Variants in ANTXR2 observed in about 807,000 individuals in gnomAD.
ANTXR2 encodes ANTXR cell adhesion molecule 2.
In ANTXR2, 44 loss-of-function variants were observed where a neutral mutation model predicts 73.7. The observed-to-expected ratio is 0.60, with a 90% CI of 0.47 to 0.77. The LOEUF is 0.77. Among genes scored for constraint, ANTXR2 ranks in the 30% least tolerant of loss-of-function variants. ANTXR2 has a pLI of 0.00. For missense variants in ANTXR2, 604 were observed against 592.5 expected, an observed-to-expected ratio of 1.02 and a Z score of -0.20; for synonymous variants, 217 against 205.9, an observed-to-expected ratio of 1.05 and a Z score of -0.46.
In ANTXR2 at chr4:80,063,770, G is replaced by C. The variant is rs559371934; in HGVS notation, c.296+5666C>G. On this transcript the variant is annotated intron_variant, in intron 3 of 16. Transcript: ENST00000403729. ...TTTCCTATTTCTTAATAACTGCATAGTATTCCATCCAATGTATATGTTCTA... is the reference window on the plus strand; with the variant it reads ...TTTCCTATTTCTTAATAACTGCATACTATTCCATCCAATGTATATGTTCTA... Among the ~76,000 whole-genome samples, 41 of 152,094 alleles carry C rather than the reference G, an allele frequency of 2.7e-4. No individual in the cohort carries two copies. The South Asian group carries it at 8.5e-3, about 32-fold the overall frequency.
At chr4:79,998,969 G>A (rs926063050) in intron 12 of ANTXR2, among the ~76,000 whole-genome samples, 3 of 152,078 alleles carry the variant, frequency 2.0e-5, no homozygotes, top group Admixed American at 6.6e-5. Flanking sequence ...GAAAGCCCAC[G>A]CACACAGAGG....
chr4:79,943,819 C>G (rs1296991224), intron 16 of ANTXR2, among the ~76,000 whole-genome samples: 3 of 151,944 alleles, frequency 2.0e-5, no homozygotes, highest in Non-Finnish European at 4.4e-5. Context: ...ATTTTGATGT[C>G]TGGTTACTGC....
chr4:80,052,682 C>G (rs542603392), intron 7 of ANTXR2, among the ~76,000 whole-genome samples: 3 of 151,572 alleles, frequency 2.0e-5, no homozygotes, highest in African/African-American at 7.3e-5. Context: ...CAAATTGTGG[C>G]TAAAATAATG....
chr4:80,048,035 C>T (rs757542551), intron 7 of ANTXR2, among the ~76,000 whole-genome samples: 3 of 151,414 alleles, frequency 2.0e-5, no homozygotes, highest in Non-Finnish European at 4.4e-5. Flanking sequence ...ACCATAACTA[C>T]ATTAGAAAAA....
Position 79,997,711 on chromosome 4 carries a change from A to G in ANTXR2, c.1041+10810T>C, listed in dbSNP as rs192836684. On this transcript the variant is annotated intron_variant, in intron 12 of 16. Transcript: ENST00000403729. The stretch of plus-strand genomic sequence containing the variant: ...TTGAACAAGTAAATAAGTAGCCTGA[A>G]ATCTGGACAATAAATATAATTTAGA... Among the ~76,000 whole-genome samples, 364 of 152,092 alleles carry G rather than the reference A, an allele frequency of 2.4e-3. 2 individuals are homozygous for G. The highest frequency in any genetic ancestry group is 8.2e-3 in the African/African-American group (340 of 41,532).
At chr4:80,017,211 C>T (rs1291157220) in intron 11 of ANTXR2, among the ~76,000 whole-genome samples, 4 of 152,192 alleles carry the variant, frequency 2.6e-5, no homozygotes, top group Non-Finnish European at 4.4e-5. Context: ...ACTTCCATTC[C>T]AGCACACTGG....
At chr4:80,052,805 T>C (rs1347522965) in intron 7 of ANTXR2, among the ~76,000 whole-genome samples, 1 of 151,562 alleles carries the variant, frequency 6.6e-6, no homozygotes, top group Non-Finnish European at 1.5e-5. Flanking sequence ...GGTTCCCTAA[T>C]AAAAATAGAA....
At chr4:79,910,597 T>C (rs1330318094) in intron 16 of ANTXR2, among the ~76,000 whole-genome samples, 1 of 149,966 alleles carries the variant, frequency 6.7e-6, no homozygotes, top group East Asian at 1.9e-4. Flanking sequence ...CCCTCTATAA[T>C]GTCATTGCAT....
At chr4:80,070,685 C>A (rs1734746866) in intron 2 of ANTXR2, among the ~76,000 whole-genome samples, 1 of 152,092 alleles carries the variant, frequency 6.6e-6, no homozygotes, top group Non-Finnish European at 1.5e-5. Context: ...ATTGCCTAGG[C>A]CTCTACAGAT....
intron 16 of ANTXR2, among the ~76,000 whole-genome samples, chr4:79,923,813 T>C (rs748264596): frequency 2.0e-5 from 3 of 152,156 alleles, no homozygotes; most frequent in Non-Finnish European, 4.4e-5. Context: ...AGAAGAAGCA[T>C]GGTTTTTCTT....
At chr4:80,069,365 T>G (rs1734673787) in intron 3 of ANTXR2, 71 bp downstream of exon 3, 1 of 1,273,026 alleles carries the variant, frequency 7.9e-7, no homozygotes, top group Admixed American at 2.0e-5. Flanking sequence ...GAATCACCAC[T>G]TGGAAATATC....
intron 7 of ANTXR2, among the ~76,000 whole-genome samples, chr4:80,050,160 C>T (rs954605627): frequency 1.3e-5 from 2 of 151,836 alleles, no homozygotes; most frequent in Non-Finnish European, 3.0e-5. Context: ...GGAATTGTGT[C>T]TCTCCTCTGA....
At chr4:79,909,645 CAA>C (rs987166490) in intron 16 of ANTXR2, among the ~76,000 whole-genome samples, 3 of 144,288 alleles carry the variant, frequency 2.1e-5, no homozygotes, top group Admixed American at 6.9e-5. Context: ...ATATAAGCAC[CAA>C]AAAAAAAAAA....
At chr4:79,962,348 G>T (rs146327393) in intron 16 of ANTXR2, among the ~76,000 whole-genome samples, 2,030 of 152,162 alleles carry the variant, frequency 0.013, 19 homozygotes, top group Non-Finnish European at 0.022. Flanking sequence ...TCATGAGATG[G>T]ATTATTCTAG....
chr4:79,946,099 C>G (rs1205488786), intron 16 of ANTXR2, among the ~76,000 whole-genome samples: 1 of 152,080 alleles, frequency 6.6e-6, no homozygotes, highest in Non-Finnish European at 1.5e-5. Flanking sequence ...AATCTTCAAA[C>G]AACCACATGA....
chr4:79,987,889 G>A (rs969734592), intron 12 of ANTXR2, among the ~76,000 whole-genome samples: 4 of 151,954 alleles, frequency 2.6e-5, no homozygotes, highest in African/African-American at 7.3e-5. Flanking sequence ...AGTGAAGGGG[G>A]AATAAAATCA....
intron 3 of ANTXR2, among the ~76,000 whole-genome samples, chr4:80,060,729 T>C (rs1205266630): frequency 6.6e-6 from 1 of 152,184 alleles, no homozygotes; most frequent in East Asian, 1.9e-4. Flanking sequence ...CATAGGTATG[T>C]ATGTATAGAA....
chr4:79,911,845 A>T (rs1422952507), intron 16 of ANTXR2, among the ~76,000 whole-genome samples: 1 of 151,094 alleles, frequency 6.6e-6, no homozygotes, highest in Non-Finnish European at 1.5e-5. Flanking sequence ...AATCATGAGT[A>T]AAATCTAAAT....
chr4:80,072,218 C>A (rs954367118), intron 1 of ANTXR2, among the ~76,000 whole-genome samples, 191 bp downstream of exon 1: 1 of 152,150 alleles, frequency 6.6e-6, no homozygotes, highest in Non-Finnish European at 1.5e-5. Flanking sequence ...CCAATCACTA[C>A]CCCCGACCCG....
Sources: gnomAD v4.1 joint callset for allele counts (sites outside exome capture counted in the v4.1 genomes callset) on GRCh38, gnomAD v4.1.1 for gene constraint, MANE v1.5 for transcripts, NCBI Gene and HGNC (gene_info 2026-07-23, HGNC 2026-07-21) for gene names.